NELFA: variants seen among roughly 807,000 people sequenced by gnomAD.
The protein encoded by NELFA is negative elongation factor complex member A, also known as negative elongation factor A.
A neutral mutation model predicts 51.8 loss-of-function variants in NELFA; 35 were observed. That is an observed-to-expected ratio of 0.68 (90% CI 0.52 to 0.90). The LOEUF (loss-of-function observed/expected upper bound fraction) is 0.90, where lower values mean the gene tolerates loss of function less well. Ranked by LOEUF, NELFA falls within the 40% of genes least tolerant of loss-of-function variation. The pLI is 0.00. For synonymous variants in NELFA, 417 were observed against 338.4 expected (o/e 1.23, Z -2.55); for missense variants, 658 against 746.4 (o/e 0.88, Z 1.38).
intron 1 of NELFA, among the ~76,000 whole-genome samples, chr4:2,008,318 G>A (rs1396665586): frequency 1.3e-5 from 2 of 151,838 alleles, no homozygotes; most frequent in Non-Finnish European, 2.9e-5. Flanking sequence ...GTACCCGGGG[G>A]CCCAGGGAGG....
intron 7 of NELFA, 72 bp downstream of exon 7, chr4:1,985,704 C>A: frequency 8.5e-7 from 1 of 1,175,570 alleles, no homozygotes; most frequent in Non-Finnish European, 1.3e-6. Context: ...ACAGAGCACA[C>A]TAGTGGCCAC....
chr4:1,985,382 C>T (rs1577611528), intron 7 of NELFA, among the ~76,000 whole-genome samples: 3 of 152,206 alleles, frequency 2.0e-5, no homozygotes, highest in Admixed American at 6.5e-5. Flanking sequence ...GCCTCCCACC[C>T]GCAGGCAGGG....
Position 1,983,658 on chromosome 4 carries a change from G to GTCTT in NELFA, c.1336_1339dup (p.Thr447LysfsTer52). ...CTCGGGCCGCGTGACTTTGTTGGCC[G>GTCTT]TCTTGAACATCTCCTGGGCAGCGAA... On this transcript the variant is annotated frameshift_variant, in exon 10 of 11. Transcript: ENST00000382882. LOFTEE classifies it high-confidence loss of function. 6.2e-7 allele frequency: 1 copy of GTCTT among 1,614,088 alleles called. No homozygotes were observed. The highest frequency in any genetic ancestry group is 8.5e-7 in the Non-Finnish European group (1 of 1,180,004).
At chr4:1,986,456 C>T (rs770096895) in intron 4 of NELFA, 54 bp from the exon 5 acceptor site, 86 of 1,596,566 alleles carry the variant, frequency 5.4e-5, no homozygotes, top group South Asian at 1.1e-4. Context: ...AAACGTCCCC[C>T]ACCCCGAGCT....
chr4:1,986,035 G>A (rs1411727979), intron 6 of NELFA, 79 bp downstream of exon 6: 24 of 1,472,558 alleles, frequency 1.6e-5, no homozygotes, highest in Non-Finnish European at 2.2e-5. Context: ...TGCCCGCCGA[G>A]CGTGGGCACA....
chr4:1,984,873 T>C lies in NELFA; in HGVS notation c.971A>G (p.Tyr324Cys). 6.3e-7 allele frequency: 1 copy of C among 1,581,186 alleles called. No homozygotes were observed. Among genetic ancestry groups the C allele is most frequent in the Non-Finnish European group, 8.6e-7 (1 of 1,162,918 alleles). The change falls in exon 8 of 11, where the codon TAC becomes TGC. Residue 324 changes from tyrosine (Y) to cysteine (C), a missense_variant. Physicochemically the swap from Tyr to Cys is radical, Grantham distance 194 (BLOSUM62 -2). Transcript: ENST00000382882. ...NNEPALPSTSYLPSTPSVVPA... is the reference protein window; with the variant it reads ...NNEPALPSTSCLPSTPSVVPA... ...AACCACGCTGGGCGTGGAGGGAAGG[T>C]AGCTCGTGGAGGGCAGCGCAGGCTC...
rs572227511 is a variant in NELFA, at chr4:1,995,869, TCTCA to T, written c.211-4158_211-4155del. Among the ~76,000 whole-genome samples the T allele has an allele frequency of 8.3e-4, 123 of 148,750 alleles. 1 individual carries two copies. In the East Asian group the frequency reaches 0.022, roughly 27 times the overall value. The stretch of plus-strand genomic sequence containing the variant: ...TAACGGGGAGATCAACAAATCCTCT[TCTCA>T]CTGATTTTTTTTTTTTTTTTTAAAC... On this transcript the variant is annotated intron_variant, in intron 1 of 10. Transcript: ENST00000382882.
chr4:1,997,770 C>T (rs1199914770), intron 1 of NELFA, among the ~76,000 whole-genome samples: 1 of 152,194 alleles, frequency 6.6e-6, no homozygotes, highest in East Asian at 1.9e-4. Context: ...ACACTCCCTC[C>T]ATCATGGGAC....
rs1252258888 is a variant in NELFA, at chr4:1,989,581, CA to C, written c.544+126del. The C allele has an allele frequency of 1.1e-5, 11 of 1,040,538 alleles. No homozygotes were observed. Among genetic ancestry groups the C allele is most frequent in the Non-Finnish European group, 1.5e-5 (11 of 720,658 alleles). 64.5% of individuals were successfully genotyped at this position (1,040,538 alleles called of 1,614,324 possible). On this transcript the variant is annotated intron_variant, in intron 3 of 10. Coordinates refer to ENST00000382882, the MANE Select transcript of NELFA (RefSeq NM_005663.5). This position sits in a 1 kb window ranked among gnomAD's most constrained non-coding sequence, Gnocchi z 4.8. ...CGACCCACCTGCCCCAGCCTCCCAA[CA>C]GGTGTGAGCCACCATGCCTGGCCCA...
intron 8 of NELFA, 104 bp downstream of exon 8, chr4:1,984,704 A>G: frequency 1.3e-6 from 1 of 756,904 alleles, no homozygotes. Context: ...AAGGGGGACA[A>G]CAGAGATGCA....
chr4:2,005,383 GA>G (rs202047232), intron 1 of NELFA, among the ~76,000 whole-genome samples: 10 of 150,254 alleles, frequency 6.7e-5, no homozygotes, highest in South Asian at 2.1e-4. Flanking sequence ...AGATTCTATA[GA>G]AAAAAAAAAT....
rs1034890783 is a variant in NELFA, at chr4:1,986,398, T to A, written c.639A>T (p.Pro213=). 2.5e-6 allele frequency: 4 copies of A among 1,612,378 alleles called. No individual in the cohort carries two copies. The highest frequency in any genetic ancestry group is 3.4e-6 in the Non-Finnish European group (4 of 1,179,514). ...GLLRKMDTTT[P]LKGIPKQAPF... ...GCGCCTGCTTCGGGATGCCTTTGAGTGGGGCTGGAGGACGGCAACAGTCAG... is the reference window on the plus strand; with the variant it reads ...GCGCCTGCTTCGGGATGCCTTTGAGAGGGGCTGGAGGACGGCAACAGTCAG... Residue 213 remains proline (P), a synonymous_variant, in exon 5 of 11, where the codon CCA becomes CCT. Transcript: ENST00000382882.
At chr4:1,991,752 T>TG in intron 1 of NELFA, 37 bp from the exon 2 acceptor site, 17 of 1,551,540 alleles carry the variant, frequency 1.1e-5, no homozygotes, top group Non-Finnish European at 1.5e-5. Context: ...ACCATGCCCC[T>TG]GCCCACTTCC....
chr4:1,985,938 TCAAA>T (rs1318646258), intron 6 of NELFA, 74 bp from the exon 7 acceptor site: 1 of 1,397,838 alleles, frequency 7.2e-7, no homozygotes, highest in African/African-American at 1.4e-5. Context: ...CGGCAGGGAA[TCAAA>T]CAGCTTCCCA....
rs1373459661 is a variant in NELFA at position 1,989,536 on chromosome 4, C to G, written c.544+172G>C. Reference sequence around the variant, plus strand: ...GTAGAGATGGGGTTTCTTGGCTGGTCTCAAACTCCTGGGCTCAAACGACCC... The same window carrying G: ...GTAGAGATGGGGTTTCTTGGCTGGTGTCAAACTCCTGGGCTCAAACGACCC... On this transcript the variant is annotated intron_variant, in intron 3 of 10. Coordinates refer to ENST00000382882, the MANE Select transcript of NELFA (RefSeq NM_005663.5). The surrounding 1 kb of genome is among the most constrained non-coding windows in gnomAD (Gnocchi z 4.8). Among the ~76,000 whole-genome samples, 1 of 151,978 alleles carries G rather than the reference C, an allele frequency of 6.6e-6. No individual in the cohort carries two copies. The highest frequency in any genetic ancestry group is 1.5e-5 in the Non-Finnish European group (1 of 68,008).
intron 1 of NELFA, among the ~76,000 whole-genome samples, chr4:1,992,904 C>A (rs1422935011): frequency 6.6e-6 from 1 of 152,238 alleles, no homozygotes. Flanking sequence ...TGGCCCAGCC[C>A]CTTCTGTTCC....
At chr4:1,997,883 A>G (rs559428706) in intron 1 of NELFA, among the ~76,000 whole-genome samples, 1 of 152,278 alleles carries the variant, frequency 6.6e-6, no homozygotes, top group South Asian at 2.1e-4. Flanking sequence ...CCCTACTGGC[A>G]TCAGGTTGGT....
At chr4:1,984,582 G>A (rs1728022069) in intron 8 of NELFA, among the ~76,000 whole-genome samples, 1 of 152,216 alleles carries the variant, frequency 6.6e-6, no homozygotes, top group Non-Finnish European at 1.5e-5. Context: ...CCCTGGGGCC[G>A]CTGCCTGTCT....
chr4:1,997,120 C>G (rs192787398), intron 1 of NELFA, among the ~76,000 whole-genome samples: 6 of 151,302 alleles, frequency 4.0e-5, no homozygotes, highest in Admixed American at 3.9e-4. Flanking sequence ...TTAAAACAAA[C>G]AAAAAAAACA....
Sources: allele counts gnomAD v4.1 joint callset (sites outside exome capture counted in the v4.1 genomes callset), GRCh38; gene constraint gnomAD v4.1.1; non-coding constraint Gnocchi (gnomAD v3.1); transcripts MANE v1.5; gene names NCBI Gene and HGNC (gene_info 2026-07-23, HGNC 2026-07-21).